The following SNW1 variants were observed in gnomAD, a reference collection of about 807,000 sequenced individuals.
SNW1 encodes the protein SNW domain containing 1.
SNW1 carries 9 observed loss-of-function variants against 75.6 expected under a neutral mutation model. The observed-to-expected ratio is 0.12, with a 90% CI of 0.07 to 0.21. SNW1 has a LOEUF of 0.21. SNW1 is among the 10% of genes least tolerant of loss of function. The probability of loss-of-function intolerance (pLI) is 1.00; values close to 1 mark genes in which losing one functional copy is unlikely to be tolerated. For missense variants in SNW1, 409 were observed against 670.9 expected, an observed-to-expected ratio of 0.61 and a Z score of 4.31; for synonymous variants, 200 against 219.1, an observed-to-expected ratio of 0.91 and a Z score of 0.77.
intron 3 of SNW1, among the ~76,000 whole-genome samples, chr14:77,741,883 CA>C (rs2080721765): frequency 6.6e-6 from 1 of 152,128 alleles, no homozygotes; most frequent in African/African-American, 2.4e-5. Context: ...ACTAATTTAG[CA>C]TACAAGAGTC....
At chr14:77,721,203 C>T (rs1024778036) in intron 11 of SNW1, 1 of 158,864 alleles carries the variant, frequency 6.3e-6, no homozygotes, top group Non-Finnish European at 1.4e-5. Context: ...ATGTAGCACA[C>T]GAAACATTTT....
chr14:77,718,242 C>G lies in SNW1; in HGVS notation c.1457G>C (p.Arg486Thr). ...AAACTGCACTGGTCCTTCTCGGCCT[C>G]TCTGTCTACGGTCTGAACCAGAAAA... The part of the protein sequence containing the change: ...KEFSGSDRRQ[R>T]GREGPVQFEE... The change falls in exon 14 of 14, where the codon AGA (arginine) becomes ACA (threonine). Residue 486 changes from arginine (R) to threonine (T), a missense_variant. Arg to Thr is a moderately conservative substitution (Grantham distance 71, BLOSUM62 -1). Transcript: ENST00000261531. 1 of 1,613,500 alleles carries G rather than the reference C, an allele frequency of 6.2e-7. No homozygotes were observed. The highest frequency in any genetic ancestry group is 1.1e-5 in the South Asian group (1 of 91,036).
At chr14:77,736,106 T>G in intron 6 of SNW1, 100 bp from the exon 7 acceptor site, 1 of 813,942 alleles carries the variant, frequency 1.2e-6, no homozygotes, top group Non-Finnish European at 2.0e-6. Flanking sequence ...GTTTCAAACA[T>G]AGACAAAAAC....
chr14:77,729,101 G>GT (rs1413903025), intron 10 of SNW1, among the ~76,000 whole-genome samples: 1 of 152,050 alleles, frequency 6.6e-6, no homozygotes, highest in Non-Finnish European at 1.5e-5. Context: ...TAAAACCCTG[G>GT]TTATTTCCCT....
At chr14:77,752,574 G>A (rs1021187821) in intron 2 of SNW1, among the ~76,000 whole-genome samples, 4 of 152,114 alleles carry the variant, frequency 2.6e-5, no homozygotes, top group Non-Finnish European at 4.4e-5. Flanking sequence ...CGGTGTTCCT[G>A]AGATCTCATA....
chr14:77,760,539 G>A (rs886883332), intron 1 of SNW1: 21 of 648,468 alleles, frequency 3.2e-5, no homozygotes, highest in Non-Finnish European at 5.6e-5. Context: ...TCTATCTACG[G>A]AAGAAATTCT....
intron 3 of SNW1, among the ~76,000 whole-genome samples, chr14:77,747,338 C>G (rs2080768645): frequency 6.6e-6 from 1 of 152,042 alleles, no homozygotes; most frequent in Non-Finnish European, 1.5e-5. Flanking sequence ...CCGGCCGCCA[C>G]CCTGTCTGGG....
chr14:77,721,395 TA>T (rs953282927), intron 11 of SNW1, among the ~76,000 whole-genome samples: 10 of 152,216 alleles, frequency 6.6e-5, no homozygotes, highest in African/African-American at 2.4e-4. Context: ...TAACTGTCAT[TA>T]CTTGTTTTAC....
At chr14:77,733,324 GCTC>G (rs1232773848) in intron 8 of SNW1, among the ~76,000 whole-genome samples, 2 of 152,150 alleles carry the variant, frequency 1.3e-5, no homozygotes, top group Non-Finnish European at 1.5e-5. Context: ...TTCAACAGTT[GCTC>G]CTCAAGTAAA....
chr14:77,751,842 AC>A lies in SNW1; in HGVS notation c.169-363del, dbSNP rs2080811067. Among the ~76,000 whole-genome samples, 10 of 124,116 alleles carry A rather than the reference AC, an allele frequency of 8.1e-5. No homozygotes were observed. In the Admixed American group the frequency reaches 9.1e-4, roughly 11 times the overall value. 81.4% of individuals were successfully genotyped at this position (124,116 alleles called of 152,430 possible). ...CACACACACACACACACACACACAC[AC>A]ACCACACACACACACACACAAAGCA... On this transcript the variant is annotated intron_variant, in intron 2 of 13. Transcript: ENST00000261531.
intron 10 of SNW1, among the ~76,000 whole-genome samples, chr14:77,726,809 C>T (rs759785939): frequency 4.0e-5 from 6 of 150,168 alleles, no homozygotes; most frequent in African/African-American, 7.3e-5. Context: ...AGTGAGACTC[C>T]GTCTCAAAAA....
Position 77,717,999 on chromosome 14 carries a change from T to C in SNW1, c.*89A>G, listed in dbSNP as rs932027496. 3 of 1,296,948 alleles carry C rather than the reference T, an allele frequency of 2.3e-6. No homozygotes were observed. In the Admixed American group the frequency reaches 7.3e-5, roughly 31 times the overall value. The allele number at this position is 1,296,948 out of a possible 1,614,324, so 80.3% of individuals were successfully genotyped here. A position where few individuals can be genotyped will look rare whatever the true frequency, so the allele number is the denominator to read the frequency against. Reference sequence around the variant, plus strand: ...GGATCTGGCACCCAGATTTGGTTTTTATCCTGACCATTTACAAAGTGTTCC... The same window carrying C: ...GGATCTGGCACCCAGATTTGGTTTTCATCCTGACCATTTACAAAGTGTTCC... On this transcript the variant is annotated 3_prime_UTR_variant, in exon 14 of 14. Transcript: ENST00000261531.
intron 10 of SNW1, among the ~76,000 whole-genome samples, chr14:77,730,476 C>A (rs2080619544): frequency 6.6e-6 from 1 of 152,216 alleles, no homozygotes; most frequent in East Asian, 1.9e-4. Context: ...ACCACCCTCA[C>A]AAAATTTCTT....
chr14:77,727,053 CTT>C (rs1393116162), intron 10 of SNW1, among the ~76,000 whole-genome samples: 2 of 145,898 alleles, frequency 1.4e-5, no homozygotes, highest in African/African-American at 4.9e-5. Context: ...AATTTGATGT[CTT>C]GTTTTTTTTT....
intron 3 of SNW1, among the ~76,000 whole-genome samples, chr14:77,741,096 CAAAAAAAA>C (rs60307573): frequency 2.3e-5 from 2 of 87,304 alleles, no homozygotes; most frequent in African/African-American, 9.1e-5. Flanking sequence ...AAACTGTCTC[CAAAAAAAA>C]AAAAAAAAAA....
intron 2 of SNW1, 48 bp downstream of exon 2, chr14:77,754,919 T>C (rs2080832728): frequency 6.8e-7 from 1 of 1,476,080 alleles, no homozygotes; most frequent in African/African-American, 1.4e-5. Context: ...TGTGCTATAA[T>C]AAATTTCAGC....
chr14:77,740,341 CTTATA>C (rs1418387699), intron 3 of SNW1, among the ~76,000 whole-genome samples: 2 of 151,870 alleles, frequency 1.3e-5, no homozygotes, highest in African/African-American at 4.8e-5. Context: ...AAGCCAAAGT[CTTATA>C]TTAATAAGTC....
At chr14:77,751,194 C>T (rs954002321) in intron 3 of SNW1, 125 bp downstream of exon 3, 24 of 953,804 alleles carry the variant, frequency 2.5e-5, no homozygotes, top group Non-Finnish European at 3.4e-5. Context: ...AATATAGGTA[C>T]GAGCCACCAT....
At chr14:77,757,567 A>G (rs1224785928) in intron 1 of SNW1, among the ~76,000 whole-genome samples, 2 of 152,204 alleles carry the variant, frequency 1.3e-5, no homozygotes, top group Non-Finnish European at 2.9e-5. Flanking sequence ...GGGCTGTTCC[A>G]TGACTCCTCC....
Sources: allele counts gnomAD v4.1 joint callset (sites outside exome capture counted in the v4.1 genomes callset), GRCh38; gene constraint gnomAD v4.1.1; transcripts MANE v1.5; gene names NCBI Gene and HGNC (gene_info 2026-07-23, HGNC 2026-07-21).